VTI1A: variants seen among roughly 807,000 people sequenced by gnomAD.
VTI1A encodes vesicle transport through interaction with t-SNAREs 1A.
Under a neutral mutation model 34.9 loss-of-function variants are expected in VTI1A, and 22 were observed. That is an observed-to-expected ratio of 0.63 (90% CI 0.45 to 0.90). VTI1A has a LOEUF of 0.90. Ranked by LOEUF, VTI1A falls within the 40% of genes least tolerant of loss-of-function variation. The pLI, the probability that VTI1A is intolerant of heterozygous loss-of-function variation, is 0.00. For missense variants in VTI1A, 268 were observed against 275.6 expected (o/e 0.97, Z 0.20); for synonymous variants, 87 against 97.3 (o/e 0.89, Z 0.62).
At chr10:112,526,328 T>G (rs139008657) in intron 3 of VTI1A, among the ~76,000 whole-genome samples, 1,538 of 152,328 alleles carry the variant, frequency 0.01, 10 homozygotes, top group Admixed American at 0.018. Flanking sequence ...CATAGCCCAC[T>G]TGTCTTTATT....
intron 5 of VTI1A, among the ~76,000 whole-genome samples, chr10:112,631,110 C>G (rs1370599007): frequency 6.6e-6 from 1 of 151,428 alleles, no homozygotes; most frequent in Non-Finnish European, 1.5e-5. Context: ...GCCTGGGCAA[C>G]AAGAGCGAAA....
At chr10:112,580,084 G>T (rs1194006563) in intron 5 of VTI1A, among the ~76,000 whole-genome samples, 2 of 152,132 alleles carry the variant, frequency 1.3e-5, no homozygotes, top group Non-Finnish European at 2.9e-5. Flanking sequence ...CCCTGATCAT[G>T]TGTTGGGGCC....
chr10:112,696,351 T>C (rs936083235), intron 7 of VTI1A, among the ~76,000 whole-genome samples: 4 of 152,132 alleles, frequency 2.6e-5, no homozygotes, highest in African/African-American at 9.7e-5. Flanking sequence ...ATTTACAGAA[T>C]GTTTTATAAT....
At chr10:112,587,105 A>G (rs926056447) in intron 5 of VTI1A, among the ~76,000 whole-genome samples, 3 of 152,152 alleles carry the variant, frequency 2.0e-5, no homozygotes, top group Non-Finnish European at 4.4e-5. Flanking sequence ...TGGAATATAT[A>G]TTTCTTTTAC....
chr10:112,793,805 G>A (rs556716342), intron 7 of VTI1A, among the ~76,000 whole-genome samples: 1 of 152,236 alleles, frequency 6.6e-6, no homozygotes, highest in East Asian at 1.9e-4. Context: ...CCATCAGATT[G>A]TTCTAGAATC....
rs962051739 is a variant in VTI1A, at chr10:112,780,626, C to T, written c.561-34664C>T. On this transcript the variant is annotated intron_variant, in intron 7 of 7. Coordinates refer to ENST00000393077, the MANE Select transcript of VTI1A (RefSeq NM_145206.4). ...TCAATATGCATAATCTGATTTAACCCGTGTGTTAACCTTATCGAGTATGCA... is the reference window on the plus strand; with the variant it reads ...TCAATATGCATAATCTGATTTAACCTGTGTGTTAACCTTATCGAGTATGCA... 5.3e-5 allele frequency among the ~76,000 whole-genome samples: 8 copies of T among 152,132 alleles called. No homozygotes were observed. The South Asian group carries it at 6.2e-4, about 12-fold the overall frequency.
chr10:112,804,189 C>T (rs1382331266), intron 7 of VTI1A, among the ~76,000 whole-genome samples: 1 of 152,236 alleles, frequency 6.6e-6, no homozygotes, highest in Non-Finnish European at 1.5e-5. Context: ...GTGATGCCCT[C>T]CCCTCCCTTT....
At chr10:112,831,314 G>A in the VTI1A span, 1 of 152,280 alleles carries the variant, frequency 6.6e-6, no homozygotes, top group Non-Finnish European at 1.5e-5. Context: ...GTGTGGGAGA[G>A]AAGACACGTG....
intron 7 of VTI1A, among the ~76,000 whole-genome samples, chr10:112,788,095 TTAA>T (rs1380011209): frequency 3.3e-5 from 5 of 151,850 alleles, no homozygotes; most frequent in Non-Finnish European, 5.9e-5. Context: ...AAATTATTAT[TTAA>T]TAATAAATTA....
the VTI1A span, among the ~76,000 whole-genome samples, chr10:112,828,382 A>T: frequency 2.4e-4 from 36 of 152,068 alleles, no homozygotes; most frequent in Non-Finnish European, 4.0e-4. Context: ...TAAAAAATTC[A>T]TTTTAAAAAT....
chr10:112,595,289 A>G (rs1844582572), intron 5 of VTI1A, among the ~76,000 whole-genome samples: 1 of 149,062 alleles, frequency 6.7e-6, no homozygotes, highest in African/African-American at 2.5e-5. Flanking sequence ...AGCAATGGCA[A>G]CAAAAGCCAA....
At chr10:112,466,697 A>T (rs1847906768) in intron 3 of VTI1A, among the ~76,000 whole-genome samples, 1 of 152,206 alleles carries the variant, frequency 6.6e-6, no homozygotes, top group Non-Finnish European at 1.5e-5. Flanking sequence ...CTCATTTTTA[A>T]TGGAACTCTT....
At chr10:112,514,962 AC>A (rs1363375291) in intron 3 of VTI1A, among the ~76,000 whole-genome samples, 1 of 152,072 alleles carries the variant, frequency 6.6e-6, no homozygotes, top group Non-Finnish European at 1.5e-5. Context: ...CTACAGGTTT[AC>A]CAAGTGACAT....
At chr10:112,814,925 T>C (rs1393683237) in intron 7 of VTI1A, among the ~76,000 whole-genome samples, 1 of 152,136 alleles carries the variant, frequency 6.6e-6, no homozygotes, top group African/African-American at 2.4e-5. Context: ...AAATGAGGCT[T>C]GTCTCGCCTT....
chr10:112,664,482 C>T (rs1847574549), intron 5 of VTI1A, among the ~76,000 whole-genome samples: 1 of 152,114 alleles, frequency 6.6e-6, no homozygotes, highest in East Asian at 1.9e-4. Flanking sequence ...AGACATGATG[C>T]TTTCAGTGAT....
chr10:112,495,091 G>A (rs1346180671), intron 3 of VTI1A, among the ~76,000 whole-genome samples: 2 of 151,734 alleles, frequency 1.3e-5, no homozygotes, highest in African/African-American at 4.8e-5. Context: ...CATTGAAGAG[G>A]CCTGAATGTT....
intron 7 of VTI1A, among the ~76,000 whole-genome samples, chr10:112,676,943 G>T (rs1422358812): frequency 6.6e-6 from 1 of 152,168 alleles, no homozygotes; most frequent in African/African-American, 2.4e-5. Flanking sequence ...CTTCGTCAAG[G>T]ATTCCCCTGG....
At chr10:112,804,629 C>G (rs1019523831) in intron 7 of VTI1A, among the ~76,000 whole-genome samples, 1 of 152,076 alleles carries the variant, frequency 6.6e-6, no homozygotes, top group African/African-American at 2.4e-5. Context: ...CACATTGTCC[C>G]GGCCCTGGCA....
chr10:112,551,762 G>T (rs569144742), intron 5 of VTI1A, among the ~76,000 whole-genome samples: 2 of 152,258 alleles, frequency 1.3e-5, no homozygotes, highest in African/African-American at 2.4e-5. Context: ...AGAAAGATGG[G>T]CCTTATGGAA....
Sources: allele counts gnomAD v4.1 joint callset (sites outside exome capture counted in the v4.1 genomes callset), GRCh38; gene constraint gnomAD v4.1.1; transcripts MANE v1.5; gene names NCBI Gene and HGNC (gene_info 2026-07-23, HGNC 2026-07-21).